Variants in PC observed in about 807,000 individuals in gnomAD.
PC encodes the protein pyruvate carboxylase, mitochondrial.
PC carries 46 observed loss-of-function variants against 107.8 expected under a neutral mutation model. The observed-to-expected ratio is 0.43, with a 90% CI of 0.34 to 0.55. The LOEUF (loss-of-function observed/expected upper bound fraction) is 0.55. Ranked by LOEUF, PC falls within the 20% of genes least tolerant of loss-of-function variation. PC has a pLI of 0.04. For synonymous variants in PC, 662 were observed against 684.7 expected (o/e 0.97, Z 0.52); for missense variants, 1,241 against 1,643.1 (o/e 0.76, Z 4.23).
Position 66,909,453 on chromosome 11 carries a change from A to C in PC, c.1-37294T>G, listed in dbSNP as rs112700752. On this transcript the variant is annotated intron_variant, in intron 3 of 22. Coordinates refer to ENST00000393960, the MANE Select transcript of PC (RefSeq NM_001040716.2). ...CAGGTGTCCCTGCCGCTCCCCCCCGAAGAGAAGCTGCCTGAGAGTGGGGTC... is the reference window on the plus strand; with the variant it reads ...CAGGTGTCCCTGCCGCTCCCCCCCGCAGAGAAGCTGCCTGAGAGTGGGGTC... 5.0e-3 allele frequency among the ~76,000 whole-genome samples: 762 copies of C among 152,284 alleles called. 5 individuals are homozygous for C. Among genetic ancestry groups the C allele is most frequent in the African/African-American group, 0.017 (711 of 41,554 alleles).
chr11:66,893,303 C>T (rs755681457), intron 3 of PC, among the ~76,000 whole-genome samples: 1 of 152,192 alleles, frequency 6.6e-6, no homozygotes, highest in Non-Finnish European at 1.5e-5. Flanking sequence ...AAGAGCCACT[C>T]CTGACAGAGC....
chr11:66,929,332 G>T (rs1054088730), intron 3 of PC, among the ~76,000 whole-genome samples: 9 of 152,028 alleles, frequency 5.9e-5, no homozygotes, highest in Non-Finnish European at 1.3e-4. Flanking sequence ...CATAACCCTA[G>T]GGATGCAAAG....
At chr11:66,906,591 A>G (rs1230808546) in intron 3 of PC, among the ~76,000 whole-genome samples, 2 of 152,168 alleles carry the variant, frequency 1.3e-5, no homozygotes, top group Non-Finnish European at 2.9e-5. Context: ...GAGCTGAAGC[A>G]TACACAGATG....
chr11:66,873,477 A>ATATTATATATTATAT, intron 3 of PC, among the ~76,000 whole-genome samples: 1 of 72,474 alleles, frequency 1.4e-5, no homozygotes, highest in Non-Finnish European at 2.6e-5. Flanking sequence ...ATATAATATA[A>ATATTATATATTATAT]TATATAATAT....
intron 13 of PC, 125 bp downstream of exon 13, chr11:66,853,114 G>A: frequency 9.2e-7 from 1 of 1,091,230 alleles, no homozygotes; most frequent in Admixed American, 2.0e-5. Flanking sequence ...CCAGAATGAG[G>A]GCAGGGGTGA....
rs1945343902 is a variant in PC, at chr11:66,849,536, G to C, written c.3147+75C>G. ...GCTCCCAAAGCTTGCGAGGCTGGGT[G>C]ACAGCCAAGCTAAACTCCAGAGCTC... On this transcript the variant is annotated intron_variant, in intron 21 of 22. Coordinates refer to ENST00000393960, the MANE Select transcript of PC (RefSeq NM_001040716.2). 13 of 1,611,222 alleles carry C rather than the reference G, an allele frequency of 8.1e-6. No individual in the cohort carries two copies. The South Asian group carries it at 1.3e-4, about 16-fold the overall frequency.
At chr11:66,921,964 C>A (rs1470442372) in intron 3 of PC, among the ~76,000 whole-genome samples, 2 of 152,186 alleles carry the variant, frequency 1.3e-5, no homozygotes, top group Non-Finnish European at 2.9e-5. Context: ...CCCACTGTGA[C>A]ATCACTCGCA....
rs755956386 is a variant in PC at position 66,858,506 on chromosome 11, G to A, written c.1369-5123C>T. On this transcript the variant is annotated intron_variant, in intron 12 of 22. Coordinates refer to ENST00000393960, the MANE Select transcript of PC (RefSeq NM_001040716.2). This position sits in a 1 kb window ranked among gnomAD's most constrained non-coding sequence, Gnocchi z 5.9. Reference sequence around the variant, plus strand: ...GGCGGCTGGCGCGGCCGGACGACCTGGAAACGTGCGCCTCCCCGCCCGGCC... The same window carrying A: ...GGCGGCTGGCGCGGCCGGACGACCTAGAAACGTGCGCCTCCCCGCCCGGCC... 23 of 1,536,290 alleles carry A rather than the reference G, an allele frequency of 1.5e-5. No homozygotes were observed. The South Asian group carries it at 2.7e-4, about 18-fold the overall frequency.
Position 66,871,874 on chromosome 11 carries a change from A to G in PC, c.137-3T>C, listed in dbSNP as rs1345839733. 6.2e-7 allele frequency: 1 copy of G among 1,607,120 alleles called. No homozygotes were observed. Among genetic ancestry groups the G allele is most frequent in the Non-Finnish European group, 8.5e-7 (1 of 1,179,422 alleles). ...GAACACACGGATGGCAATCTCACCTAGAGGGCAAAGAAACAAGAAGTTAGA... is the reference window on the plus strand; with the variant it reads ...GAACACACGGATGGCAATCTCACCTGGAGGGCAAAGAAACAAGAAGTTAGA... On this transcript the variant is annotated splice_polypyrimidine_tract_variant and splice_region_variant and intron_variant, in intron 4 of 22. Transcript: ENST00000393960. The surrounding 1 kb of genome is among the most constrained non-coding windows in gnomAD (Gnocchi z 7.4).
chr11:66,956,140 G>A (rs1319402919), intron 1 of PC, among the ~76,000 whole-genome samples: 1 of 152,236 alleles, frequency 6.6e-6, no homozygotes, highest in East Asian at 1.9e-4. Flanking sequence ...CTGCACCTTA[G>A]CAAATCCTAG....
chr11:66,853,854 C>T (rs1024709400), intron 12 of PC, among the ~76,000 whole-genome samples: 1 of 152,258 alleles, frequency 6.6e-6, no homozygotes, highest in Non-Finnish European at 1.5e-5. Context: ...GCTCTCCTGT[C>T]CTCTTCCTCC....
At chr11:66,887,576 CAT>C (rs904528241) in intron 3 of PC, among the ~76,000 whole-genome samples, 1 of 152,144 alleles carries the variant, frequency 6.6e-6, no homozygotes, top group Non-Finnish European at 1.5e-5. Flanking sequence ...GAAAGACTAA[CAT>C]ATGGAAAATA....
rs1379734143 is a variant in PC, at chr11:66,849,054, C to G, written c.3382G>C (p.Gly1128Arg). The G allele has an allele frequency of 1.9e-6, 3 of 1,614,094 alleles. No individual in the cohort carries two copies. The highest frequency in any genetic ancestry group is 1.7e-5 in the Admixed American group (1 of 60,032). ...GGCTGGCCCTTGGCCACCTTGGCCC[C>G]TGCCACCACTTTGATGTCTATCACC... ...GKVIDIKVVA[G>R]AKVAKGQPLC... Residue 1128 changes from glycine to arginine, a missense_variant, in exon 23 of 23, where the codon GGG becomes CGG. Gly to Arg is a moderately radical substitution (Grantham distance 125, BLOSUM62 -2). Transcript: ENST00000393960.
rs924967361 is a variant in PC at position 66,859,573 on chromosome 11, G to A, written c.1368+4201C>T. 90 of 1,601,170 alleles carry A rather than the reference G, an allele frequency of 5.6e-5. 1 individual carries two copies. The Middle Eastern group carries it at 3.7e-3, about 66-fold the overall frequency. ...GGTGTTTGGAGCTGGGAGCACGGGAGTGGGGAGGTGAGGATGGGGCTAGAC... is the reference window on the plus strand; with the variant it reads ...GGTGTTTGGAGCTGGGAGCACGGGAATGGGGAGGTGAGGATGGGGCTAGAC... On this transcript the variant is annotated intron_variant, in intron 12 of 22. Coordinates refer to ENST00000393960, the MANE Select transcript of PC (RefSeq NM_001040716.2).
At chr11:66,919,651 A>G (rs1948546715) in intron 3 of PC, 1 of 152,282 alleles carries the variant, frequency 6.6e-6, no homozygotes, top group South Asian at 2.1e-4. Flanking sequence ...GCAAACAGAT[A>G]CCAAGGTTGG....
intron 12 of PC, chr11:66,859,036 C>G: frequency 1.1e-5 from 16 of 1,507,370 alleles, no homozygotes; most frequent in Non-Finnish European, 1.4e-5. Context: ...CCAGCCGACC[C>G]AGTGTGGATG....
intron 3 of PC, among the ~76,000 whole-genome samples, chr11:66,889,291 A>G (rs1313794064): frequency 6.6e-6 from 1 of 151,808 alleles, no homozygotes; most frequent in African/African-American, 2.4e-5. Flanking sequence ...TCTGGGAGGC[A>G]CTCATGGGGA....
At chr11:66,865,663 G>A (rs573941622) in intron 11 of PC, among the ~76,000 whole-genome samples, 2 of 152,172 alleles carry the variant, frequency 1.3e-5, no homozygotes, top group East Asian at 1.9e-4. Flanking sequence ...CTGCCATCTC[G>A]CGGCCCCGAA....
rs1440496677 is a variant in PC at position 66,954,456 on chromosome 11, G to A, written c.-227-20C>T. On this transcript the variant is annotated intron_variant, in intron 1 of 22. Coordinates refer to ENST00000393960, the MANE Select transcript of PC (RefSeq NM_001040716.2). ...AGGCAGCTAAGAGAAAGAGAGGAAG[G>A]CACGGTCAGTCAGGCCCAGGTGAGG... 1.3e-5 allele frequency: 2 copies of A among 152,312 alleles called. No homozygotes were observed. Among genetic ancestry groups the A allele is most frequent in the African/African-American group, 4.8e-5 (2 of 41,432 alleles). 9.4% of individuals were successfully genotyped at this position (152,312 alleles called of 1,614,324 possible).
Sources: allele counts gnomAD v4.1 joint callset (sites outside exome capture counted in the v4.1 genomes callset), GRCh38; gene constraint gnomAD v4.1.1; non-coding constraint Gnocchi (gnomAD v3.1); transcripts MANE v1.5; gene names NCBI Gene and HGNC (gene_info 2026-07-23, HGNC 2026-07-21).